PIGQ: variants seen among roughly 807,000 people sequenced by gnomAD.
PIGQ encodes the protein phosphatidylinositol N-acetylglucosaminyltransferase subunit Q.
PIGQ carries 54 observed loss-of-function variants against 60.3 expected under a neutral mutation model. The observed-to-expected ratio is 0.90, with a 90% CI of 0.72 to 1.12. The LOEUF is 1.12. Among genes scored for constraint, PIGQ ranks in the 50% most tolerant of loss-of-function variants. The probability of loss-of-function intolerance (pLI) is 0.00; values close to 1 mark genes in which losing one functional copy is unlikely to be tolerated. For missense variants in PIGQ, 799 were observed against 793.5 expected (o/e 1.01, Z -0.08); for synonymous variants, 416 against 363.7 (o/e 1.14, Z -1.64).
At chr16:577,413 T>TA (rs763966901) in intron 4 of PIGQ, among the ~76,000 whole-genome samples, 1 of 151,812 alleles carries the variant, frequency 6.6e-6, no homozygotes, top group Non-Finnish European at 1.5e-5. Flanking sequence ...CCGTCTCTAC[T>TA]AAAAATACAA....
At chr16:582,812 C>A (rs1478504342) in intron 10 of PIGQ, 71 bp from the exon 11 acceptor site, 1 of 1,490,578 alleles carries the variant, frequency 6.7e-7, no homozygotes, top group Non-Finnish European at 9.1e-7. Context: ...CAACTGCCCG[C>A]CCCCACCCTC....
In PIGQ at chr16:578,957, C is replaced by A; in HGVS notation, c.1223+19C>A. 6.2e-7 allele frequency: 1 copy of A among 1,605,860 alleles called. No homozygotes were observed. Among genetic ancestry groups the A allele is most frequent in the Non-Finnish European group, 8.5e-7 (1 of 1,176,950 alleles). On this transcript the variant is annotated intron_variant, in intron 6 of 10. Transcript: ENST00000321878. The stretch of plus-strand genomic sequence containing the variant: ...GAGCCAGGTGGGCGTGGGCTTCCCC[C>A]TCCCCACCGCCCCCTGGGAGGTGCA...
chr16:572,179 G>A (rs551508057), intron 1 of PIGQ, among the ~76,000 whole-genome samples: 1 of 152,202 alleles, frequency 6.6e-6, no homozygotes, highest in Non-Finnish European at 1.5e-5. Flanking sequence ...GGTCCCCTAT[G>A]GTGGTCACAC....
chr16:574,789 G>T, intron 2 of PIGQ, 26 bp downstream of exon 2: 1 of 1,495,368 alleles, frequency 6.7e-7, no homozygotes, highest in Non-Finnish European at 8.9e-7. Context: ...CAGGCAGGTG[G>T]CAAAGAGTGG....
chr16:582,865 C>T lies in PIGQ; in HGVS notation c.1594-18C>T. On this transcript the variant is annotated intron_variant, in intron 10 of 10. Transcript: ENST00000321878. ...GGAGCTCAGACCACCCCACTGACCGCTGCCCTTGTCCTTCCAGATAAACCC... is the reference window on the plus strand; with the variant it reads ...GGAGCTCAGACCACCCCACTGACCGTTGCCCTTGTCCTTCCAGATAAACCC... The T allele has an allele frequency of 6.3e-7, 1 of 1,582,276 alleles. No individual in the cohort carries two copies. Among genetic ancestry groups the T allele is most frequent in the Non-Finnish European group, 8.6e-7 (1 of 1,161,390 alleles).
intron 1 of PIGQ, among the ~76,000 whole-genome samples, chr16:571,139 GTGTGTC>G (rs2035616265): frequency 3.9e-5 from 1 of 25,350 alleles, no homozygotes; most frequent in Non-Finnish European, 8.6e-5. Context: ...GTGTGTGTGT[GTGTGTC>G]TGGCTAGCCT....
Position 571,611 on chromosome 16 carries a change from C to CGT in PIGQ, c.-10+1538_-10+1539dup, listed in dbSNP as rs4006749. ...GTGTGTGTGTGGCTAGCCTGGCGCC[C>CGT]GTGTGTGTGTGTGTGTGTGTGTGTT... On this transcript the variant is annotated intron_variant, in intron 1 of 10. Transcript: ENST00000321878. Among the ~76,000 whole-genome samples, 897 of 125,088 alleles carry CGT rather than the reference C, an allele frequency of 7.2e-3. 14 individuals carry two copies. The highest frequency in any genetic ancestry group is 0.016 in the South Asian group (61 of 3,704). 82.1% of individuals were successfully genotyped at this position (125,088 alleles called of 152,430 possible). A position where few individuals can be genotyped will look rare whatever the true frequency, so the allele number is the denominator to read the frequency against.
rs1394535693 is a variant in PIGQ, at chr16:576,172, C to T, written c.860C>T (p.Ala287Val). 2 of 1,549,596 alleles carry T rather than the reference C, an allele frequency of 1.3e-6. No individual in the cohort carries two copies. The highest frequency in any genetic ancestry group is 2.4e-5 in the East Asian group (1 of 40,938). ...GTGGCCTCTGTGCTGCTGGACGTGG[C>T]CCTGGGCCTCATGCTGCTGTCCTGG... is the stretch of plus-strand genomic sequence containing the variant. ...NTVASVLLDV[A>V]LGLMLLSWLH... Residue 287 changes from alanine to valine, a missense_variant, in exon 4 of 11, where the codon GCC becomes GTC. Coordinates refer to ENST00000321878, the MANE Select transcript of PIGQ (RefSeq NM_004204.5).
At position 584,107 on chromosome 16, in the gene PIGQ, G is replaced by A. The variant is rs1355456589; in HGVS notation, c.*1072G>A. 3 of 271,636 alleles carry A rather than the reference G, an allele frequency of 1.1e-5. No homozygotes were observed. The highest frequency in any genetic ancestry group is 4.7e-5 in the Admixed American group (1 of 21,462). 16.8% of individuals were successfully genotyped at this position (271,636 alleles called of 1,614,324 possible). A position where few individuals can be genotyped will look rare whatever the true frequency, so the allele number is the denominator to read the frequency against. Reference sequence around the variant, plus strand: ...TGACAATAAAACCTGCCCCGTGTCTGGAGCGCAGGCTCGGTCCCGGGTCCA... The same window carrying A: ...TGACAATAAAACCTGCCCCGTGTCTAGAGCGCAGGCTCGGTCCCGGGTCCA... On this transcript the variant is annotated 3_prime_UTR_variant, in exon 11 of 11. Coordinates refer to ENST00000321878, the MANE Select transcript of PIGQ (RefSeq NM_004204.5).
Position 575,925 on chromosome 16 carries a change from T to C in PIGQ, c.776T>C (p.Leu259Pro). ...QLRHRLEHLT[L>P]IFSTRKAENP... The stretch of plus-strand genomic sequence containing the variant: ...CGGCACCGGCTGGAGCACCTCACGC[T>C]AATCTTCAGTACACGGAAGGCGGAG... Residue 259 changes from leucine (L) to proline (P), a missense_variant, in exon 3 of 11, where the codon CTA (leucine) becomes CCA (proline). Coordinates refer to ENST00000321878, the MANE Select transcript of PIGQ (RefSeq NM_004204.5). 1 of 1,582,910 alleles carries C rather than the reference T, an allele frequency of 6.3e-7. No homozygotes were observed. The highest frequency in any genetic ancestry group is 8.6e-7 in the Non-Finnish European group (1 of 1,164,502).
intron 4 of PIGQ, 167 bp downstream of exon 4, chr16:576,421 G>T: frequency 1.2e-6 from 1 of 824,996 alleles, no homozygotes; most frequent in Non-Finnish European, 1.8e-6. Context: ...CTCCAGGGGC[G>T]CTGGGGCCTG....
At chr16:573,129 G>A (rs934876785) in intron 1 of PIGQ, among the ~76,000 whole-genome samples, 1 of 152,218 alleles carries the variant, frequency 6.6e-6, no homozygotes, top group African/African-American at 2.4e-5. Flanking sequence ...TGTGAGAAAG[G>A]GGGAGGAGAG....
Position 574,283 on chromosome 16 carries a change from G to A in PIGQ, c.209G>A (p.Arg70Gln), listed in dbSNP as rs747901484. The change falls in exon 2 of 11, where the codon CGG (arginine) becomes CAG (glutamine). Residue 70 changes from arginine (R) to glutamine (Q), a missense_variant. Coordinates refer to ENST00000321878, the MANE Select transcript of PIGQ (RefSeq NM_004204.5). ...GTGCTGGGCACCTGGTGCCACTGCC[G>A]GCAGGAGCCCGAGGAGAGCCTGGGC... ...VAVLGTWCHC[R>Q]QEPEESLGRF... is the part of the protein sequence containing the mutation. The A allele has an allele frequency of 4.9e-5, 78 of 1,606,684 alleles. No individual in the cohort carries two copies. The highest frequency in any genetic ancestry group is 1.5e-4 in the South Asian group (14 of 90,816).
Position 574,351 on chromosome 16 carries a change from T to C in PIGQ, c.277T>C (p.Trp93Arg), listed in dbSNP as rs1278828435. ...GGGTGCTGTCTTCCCCCATGAGCCC[T>C]GGCTGCGGCTGTGCCGGGAGAGAGG... ...SLGAVFPHEP[W>R]LRLCRERGGT... is the part of the protein sequence containing the mutation. The change falls in exon 2 of 11, where the codon TGG becomes CGG. Residue 93 changes from tryptophan to arginine, a missense_variant. Physicochemically the swap from Trp to Arg is moderately radical, Grantham distance 101. Coordinates refer to ENST00000321878, the MANE Select transcript of PIGQ (RefSeq NM_004204.5). The C allele has an allele frequency of 6.2e-7, 1 of 1,609,542 alleles. No homozygotes were observed. The highest frequency in any genetic ancestry group is 8.5e-7 in the Non-Finnish European group (1 of 1,179,422).
rs36098074 is a variant in PIGQ at position 577,578 on chromosome 16, G to GA, written c.943-783dup. The stretch of plus-strand genomic sequence containing the variant: ...GGCGACAAAACAAGACTCCGTCTCA[G>GA]AAAAAAAAAAAAAAAAAAGTGTTCT... On this transcript the variant is annotated intron_variant, in intron 4 of 10. Coordinates refer to ENST00000321878, the MANE Select transcript of PIGQ (RefSeq NM_004204.5). Among the ~76,000 whole-genome samples the GA allele has an allele frequency of 1.4e-3, 175 of 126,858 alleles. 1 individual carries two copies. The highest frequency in any genetic ancestry group is 2.2e-3 in the South Asian group (9 of 4,126). The allele number at this position is 126,858 out of a possible 152,430, so 83.2% of individuals were successfully genotyped here.
At position 574,443 on chromosome 16, in the gene PIGQ, G is replaced by A. The variant is rs1355348814; in HGVS notation, c.369G>A (p.Glu123=). The A allele has an allele frequency of 6.2e-7, 1 of 1,610,932 alleles. No homozygotes were observed. Among genetic ancestry groups the A allele is most frequent in the South Asian group, 1.1e-5 (1 of 90,646 alleles). Reference sequence around the variant, plus strand: ...CCACTGCCCCCGGTGCCCCTGGTGAGGACCAGGTCATGCTCATCTTCTATG... The same window carrying A: ...CCACTGCCCCCGGTGCCCCTGGTGAAGACCAGGTCATGCTCATCTTCTATG... ...QAPTAPGAPG[E]DQVMLIFYDQ... The change falls in exon 2 of 11, where the codon GAG becomes GAA. Residue 123 remains glutamate (E), a synonymous_variant. Transcript: ENST00000321878.
At chr16:577,116 C>G (rs573861852) in intron 4 of PIGQ, 1 of 152,236 alleles carries the variant, frequency 6.6e-6, no homozygotes, top group Non-Finnish European at 1.5e-5. Context: ...GGAAGGGGCT[C>G]GGCAGCTTTG....
chr16:575,999 C>A, intron 3 of PIGQ, 29 bp downstream of exon 3: 1 of 1,567,120 alleles, frequency 6.4e-7, no homozygotes, highest in South Asian at 1.2e-5. Flanking sequence ...CTCTGCAGGG[C>A]TGGGTGCGTG....
At position 573,534 on chromosome 16, in the gene PIGQ, C is replaced by T. The variant is rs1029891306; in HGVS notation, c.-9-532C>T. On this transcript the variant is annotated intron_variant, in intron 1 of 10. Transcript: ENST00000321878. ...CCCGCCGTGCGCACGAGGTAGTTTC[C>T]ACAGCCCAGCAGCACATCATTTTAC... is the stretch of plus-strand genomic sequence containing the variant. Among the ~76,000 whole-genome samples, 4 of 152,214 alleles carry T rather than the reference C, an allele frequency of 2.6e-5. No individual in the cohort carries two copies. The South Asian group carries it at 8.3e-4, about 31-fold the overall frequency.
Sources: gnomAD v4.1 joint callset for allele counts (sites outside exome capture counted in the v4.1 genomes callset) on GRCh38, gnomAD v4.1.1 for gene constraint, MANE v1.5 for transcripts, NCBI Gene and HGNC (gene_info 2026-07-23, HGNC 2026-07-21) for gene names.